MAD1L1: variants seen among roughly 807,000 people sequenced by gnomAD.
MAD1L1 encodes mitotic spindle assembly checkpoint protein MAD1.
Under a neutral mutation model 96.9 loss-of-function variants are expected in MAD1L1, and 95 were observed. The ratio of observed to expected loss-of-function variants is 0.98; its 90% CI spans 0.83 to 1.16. MAD1L1 has a LOEUF of 1.16. Among genes scored for constraint, MAD1L1 ranks in the 50% most tolerant of loss-of-function variants. MAD1L1 has a pLI of 0.00. For synonymous variants in MAD1L1, 473 were observed against 396.6 expected, an observed-to-expected ratio of 1.19 and a Z score of -2.29; for missense variants, 1,007 against 954.4, an observed-to-expected ratio of 1.06 and a Z score of -0.73.
intron 11 of MAD1L1, among the ~76,000 whole-genome samples, chr7:2,096,047 C>T (rs1056437629): frequency 3.3e-5 from 5 of 152,234 alleles, no homozygotes; most frequent in Admixed American, 6.5e-5. Flanking sequence ...GACTCAGTCA[C>T]GTAATGACAG....
intron 16 of MAD1L1, among the ~76,000 whole-genome samples, chr7:1,955,454 C>A (rs1023285325): frequency 6.6e-6 from 1 of 152,186 alleles, no homozygotes; most frequent in Non-Finnish European, 1.5e-5. Context: ...CCATGCCCAG[C>A]GAATTTTTGT....
At chr7:1,965,162 C>G (rs896543336) in intron 15 of MAD1L1, among the ~76,000 whole-genome samples, 1 of 152,216 alleles carries the variant, frequency 6.6e-6, no homozygotes, top group African/African-American at 2.4e-5. Flanking sequence ...GGGAACCCCA[C>G]CAGAGAGGCT....
chr7:2,046,884 C>A (rs1783946006), intron 12 of MAD1L1, among the ~76,000 whole-genome samples: 1 of 152,190 alleles, frequency 6.6e-6, no homozygotes, highest in Non-Finnish European at 1.5e-5. Context: ...CGCACAGTGC[C>A]CGGCCCCCTG....
chr7:2,086,325 C>T (rs1785916775), intron 11 of MAD1L1, among the ~76,000 whole-genome samples: 1 of 152,224 alleles, frequency 6.6e-6, no homozygotes, highest in Admixed American at 6.5e-5. Flanking sequence ...GGCACGCCCT[C>T]GCTCACACCA....
In MAD1L1 at chr7:2,110,189, T is replaced by C. The variant is rs144632459; in HGVS notation, c.1073+38963A>G. Among the ~76,000 whole-genome samples the C allele has an allele frequency of 1.9e-3, 286 of 152,358 alleles. 1 individual carries two copies. Among genetic ancestry groups the C allele is most frequent in the African/African-American group, 6.7e-3 (280 of 41,578 alleles). ...CAGATGGCAGCACCTCGAAGATTCTTGAAGCCTCCTCCTGTGACTTCAATG... is the reference window on the plus strand; with the variant it reads ...CAGATGGCAGCACCTCGAAGATTCTCGAAGCCTCCTCCTGTGACTTCAATG... On this transcript the variant is annotated intron_variant, in intron 11 of 18. Transcript: ENST00000265854.
At chr7:2,205,829 T>G (rs1342432704) in intron 10 of MAD1L1, among the ~76,000 whole-genome samples, 1 of 152,180 alleles carries the variant, frequency 6.6e-6, no homozygotes, top group Non-Finnish European at 1.5e-5. Context: ...ATATCTTCTC[T>G]TGTAAAGTAT....
At chr7:2,094,247 C>A (rs559759222) in intron 11 of MAD1L1, among the ~76,000 whole-genome samples, 1 of 152,316 alleles carries the variant, frequency 6.6e-6, no homozygotes, top group East Asian at 1.9e-4. Context: ...CCCTAAAGGG[C>A]TCCCAGTGGC....
chr7:1,957,379 A>G (rs1405462756), intron 16 of MAD1L1, among the ~76,000 whole-genome samples: 3 of 152,254 alleles, frequency 2.0e-5, no homozygotes, highest in Non-Finnish European at 4.4e-5. Flanking sequence ...AAATCTGCCC[A>G]GAGCCCACTC....
chr7:1,942,715 AG>A, intron 16 of MAD1L1, among the ~76,000 whole-genome samples: 1 of 152,320 alleles, frequency 6.6e-6, no homozygotes, highest in South Asian at 2.1e-4. Flanking sequence ...AGAGACTCCC[AG>A]GGCTGATCTG....
chr7:2,164,448 C>T (rs1368808949), intron 10 of MAD1L1, among the ~76,000 whole-genome samples: 1 of 152,244 alleles, frequency 6.6e-6, no homozygotes, highest in Admixed American at 6.5e-5. Flanking sequence ...CCCTGGACCC[C>T]TGTGACGGTT....
At chr7:2,215,587 A>C (rs1362418175) in intron 9 of MAD1L1, among the ~76,000 whole-genome samples, 1 of 151,984 alleles carries the variant, frequency 6.6e-6, no homozygotes, top group Non-Finnish European at 1.5e-5. Context: ...CTCCACACCC[A>C]GCAAGAGCTG....
At chr7:2,222,033 A>T (rs1188365959) in intron 5 of MAD1L1, among the ~76,000 whole-genome samples, 1 of 152,044 alleles carries the variant, frequency 6.6e-6, no homozygotes, top group Non-Finnish European at 1.5e-5. Context: ...CAGATTCATC[A>T]TCCATTTAAA....
intron 11 of MAD1L1, among the ~76,000 whole-genome samples, chr7:2,072,030 C>T (rs980245914): frequency 3.3e-5 from 5 of 152,232 alleles, no homozygotes; most frequent in African/African-American, 7.2e-5. Flanking sequence ...TTCTGTGAGA[C>T]ACTCCAGCAA....
intron 10 of MAD1L1, among the ~76,000 whole-genome samples, chr7:2,155,591 G>A (rs73039241): frequency 0.026 from 4,019 of 152,248 alleles, 93 homozygotes; most frequent in South Asian, 0.076. Context: ...CACTCTACTT[G>A]GCATCACGTC....
intron 14 of MAD1L1, among the ~76,000 whole-genome samples, chr7:1,999,177 A>C (rs550972905): frequency 6.6e-6 from 1 of 152,338 alleles, no homozygotes; most frequent in South Asian, 2.1e-4. Flanking sequence ...ATACAGTTAC[A>C]ATGGGTTCCC....
chr7:2,166,089 G>A (rs144753059), intron 10 of MAD1L1, among the ~76,000 whole-genome samples: 249 of 152,326 alleles, frequency 1.6e-3, no homozygotes, highest in African/African-American at 5.5e-3. Flanking sequence ...GACAAGAACA[G>A]GCCGCCAGCA....
In MAD1L1 at chr7:2,222,761, A is replaced by G. The variant is rs1378613237; in HGVS notation, c.292-7T>C. The G allele has an allele frequency of 1.3e-6, 2 of 1,579,308 alleles. No individual in the cohort carries two copies. The highest frequency in any genetic ancestry group is 1.7e-5 in the Admixed American group (1 of 57,584). On this transcript the variant is annotated splice_polypyrimidine_tract_variant and splice_region_variant and intron_variant, in intron 4 of 18. Transcript: ENST00000265854. ...GGTTGCGGTCGACCTCACGCTGTTAAGAGAGCAAGAGTCAGATGCCACGTG... is the reference window on the plus strand; with the variant it reads ...GGTTGCGGTCGACCTCACGCTGTTAGGAGAGCAAGAGTCAGATGCCACGTG...
intron 10 of MAD1L1, among the ~76,000 whole-genome samples, chr7:2,182,374 T>C (rs943605857): frequency 6.6e-6 from 1 of 152,024 alleles, no homozygotes; most frequent in African/African-American, 2.4e-5. Flanking sequence ...GAAACCGGAA[T>C]CTTCATATAC....
chr7:2,074,958 C>T (rs879460007), intron 11 of MAD1L1, among the ~76,000 whole-genome samples: 1 of 152,128 alleles, frequency 6.6e-6, no homozygotes, highest in African/African-American at 2.4e-5. Context: ...CCAGTGGGCC[C>T]GAGGTTGGGC....
Sources: allele counts gnomAD v4.1 joint callset (sites outside exome capture counted in the v4.1 genomes callset), GRCh38; gene constraint gnomAD v4.1.1; transcripts MANE v1.5; gene names NCBI Gene and HGNC (gene_info 2026-07-23, HGNC 2026-07-21).